Variants in KAZN observed in about 807,000 individuals in gnomAD.
KAZN encodes kazrin.
In KAZN, 40 loss-of-function variants were observed where a neutral mutation model predicts 87.4. That is an observed-to-expected ratio of 0.46 (90% CI 0.36 to 0.60). KAZN has a LOEUF of 0.60. Among genes scored for constraint, KAZN ranks in the 20% least tolerant of loss-of-function variants. KAZN has a pLI of 0.00. For synonymous variants in KAZN, 466 were observed against 458.3 expected (o/e 1.02, Z -0.22); for missense variants, 898 against 1,073.9 (o/e 0.84, Z 2.29).
intron 1 of KAZN, chr1:14,924,515 G>A: frequency 1.0e-6 from 1 of 1,004,764 alleles, no homozygotes; most frequent in Non-Finnish European, 1.2e-6. Context: ...GGGGCCCGGC[G>A]ATCGGCCCCG....
rs564336180 is a variant in KAZN at position 14,956,746 on chromosome 1, G to A, written c.227-3938G>A. 2.6e-5 allele frequency among the ~76,000 whole-genome samples: 4 copies of A among 152,320 alleles called. No homozygotes were observed. In the South Asian group the frequency reaches 8.3e-4, roughly 32 times the overall value. The stretch of plus-strand genomic sequence containing the variant: ...AAGCAGGGAAGAGGGGCCCTGGCAG[G>A]ATGGTAGATTGAAGAGTATTGATCG... On this transcript the variant is annotated intron_variant, in intron 1 of 14. Transcript: ENST00000376030.
intron 3 of KAZN, among the ~76,000 whole-genome samples, chr1:15,040,031 C>A (rs1047893025): frequency 2.0e-5 from 3 of 152,150 alleles, no homozygotes; most frequent in Non-Finnish European, 4.4e-5. Flanking sequence ...GCCTGTAGAT[C>A]GGTGGAATAG....
intron 1 of KAZN, among the ~76,000 whole-genome samples, chr1:14,845,575 A>C (rs1572633785): frequency 6.6e-6 from 1 of 150,720 alleles, no homozygotes; most frequent in African/African-American, 2.5e-5. Context: ...GGATGGATGG[A>C]TGGATGGATG....
At chr1:14,252,990 A>G (rs1364606047) in intron 2 of KAZN, among the ~76,000 whole-genome samples, 2 of 152,164 alleles carry the variant, frequency 1.3e-5, no homozygotes. Context: ...GAGGTTTCAC[A>G]GGCCAACCTG....
intron 1 of KAZN, among the ~76,000 whole-genome samples, chr1:13,912,023 T>G (rs1639670126): frequency 6.6e-6 from 1 of 152,208 alleles, no homozygotes; most frequent in Non-Finnish European, 1.5e-5. Flanking sequence ...CGGCTTTTTA[T>G]GTGAAGTGGA....
intron 1 of KAZN, among the ~76,000 whole-genome samples, chr1:14,878,524 C>T (rs1384978471): frequency 1.3e-5 from 2 of 152,168 alleles, no homozygotes; most frequent in South Asian, 2.1e-4. Flanking sequence ...GCCTCAGTTT[C>T]CCCATCTGTC....
At chr1:14,671,698 C>G (rs1639928002) in intron 1 of KAZN, among the ~76,000 whole-genome samples, 1 of 152,132 alleles carries the variant, frequency 6.6e-6, no homozygotes, top group African/African-American at 2.4e-5. Flanking sequence ...GCAAAGGAAT[C>G]TCTGTATATG....
chr1:14,983,472 G>A (rs1666465344), intron 2 of KAZN, among the ~76,000 whole-genome samples: 1 of 152,174 alleles, frequency 6.6e-6, no homozygotes, highest in Non-Finnish European at 1.5e-5. Context: ...CAGGAAAATA[G>A]CGCCCTCACC....
At chr1:14,299,994 G>A (rs1044214329) in intron 2 of KAZN, among the ~76,000 whole-genome samples, 2 of 152,106 alleles carry the variant, frequency 1.3e-5, no homozygotes, top group African/African-American at 4.8e-5. Context: ...TTTTGTGGGG[G>A]TAGGAGGGGG....
chr1:15,084,280 C>A (rs1392606273), intron 8 of KAZN, among the ~76,000 whole-genome samples: 1 of 152,178 alleles, frequency 6.6e-6, no homozygotes, highest in Non-Finnish European at 1.5e-5. Context: ...TGTGGCAGGG[C>A]AGATGGACAG....
At chr1:14,416,264 T>A (rs1664750603) in intron 2 of KAZN, among the ~76,000 whole-genome samples, 1 of 152,190 alleles carries the variant, frequency 6.6e-6, no homozygotes, top group Non-Finnish European at 1.5e-5. Flanking sequence ...TTATATGCAT[T>A]CACATTCTAG....
chr1:15,063,623 G>A lies in KAZN; in HGVS notation c.1098+1G>A, dbSNP rs1241302541. The A allele has an allele frequency of 3.7e-6, 6 of 1,613,410 alleles. No individual in the cohort carries two copies. The highest frequency in any genetic ancestry group is 5.1e-6 in the Non-Finnish European group (6 of 1,179,326). On this transcript the variant is annotated splice_donor_variant, in intron 7 of 14. Coordinates refer to ENST00000376030, the MANE Select transcript of KAZN (RefSeq NM_201628.3). LOFTEE classifies it high-confidence loss of function. ...GAACCTGCACAACCCTATTGTACAG[G>A]TAGGTGTGCCCTCCCTGGCCACTTG... is the stretch of plus-strand genomic sequence containing the variant.
chr1:15,078,360 G>A (rs998548479), intron 8 of KAZN, among the ~76,000 whole-genome samples: 4 of 151,990 alleles, frequency 2.6e-5, no homozygotes, highest in Admixed American at 2.0e-4. Context: ...AGCCGAGATC[G>A]TGCCACTGTA....
At chr1:14,784,412 A>C (rs2100659347) in intron 1 of KAZN, among the ~76,000 whole-genome samples, 1 of 152,304 alleles carries the variant, frequency 6.6e-6, no homozygotes, top group East Asian at 1.9e-4. Context: ...GGCTCTCTGC[A>C]GACCCTCCTC....
chr1:14,769,231 A>T lies in KAZN; in HGVS notation c.226+170008A>T, dbSNP rs1474531368. Among the ~76,000 whole-genome samples, 1 of 152,050 alleles carries T rather than the reference A, an allele frequency of 6.6e-6. No individual in the cohort carries two copies. Among genetic ancestry groups the T allele is most frequent in the Non-Finnish European group, 1.5e-5 (1 of 68,016 alleles). On this transcript the variant is annotated intron_variant, in intron 1 of 14. Transcript: ENST00000376030. This position sits in a 1 kb window ranked among gnomAD's most constrained non-coding sequence, Gnocchi z 4.1. The stretch of plus-strand genomic sequence containing the variant: ...AAGCTTGGCGTGCTAGTTTCCATGG[A>T]CTTTTGCTTGGGTTAGGATCATCAA...
chr1:14,596,305 T>TGC (rs776565398), upstream of KAZN, among the ~76,000 whole-genome samples: 810 of 70,392 alleles, frequency 0.012, 11 homozygotes, highest in African/African-American at 0.061. Context: ...CGCACACGTG[T>TGC]GCGCACACAC....
chr1:14,758,105 C>G lies in KAZN; in HGVS notation c.226+158882C>G, dbSNP rs543125954. Among the ~76,000 whole-genome samples, 133 of 127,710 alleles carry G rather than the reference C, an allele frequency of 1.0e-3. No homozygotes were observed. The South Asian group carries it at 0.016, about 15-fold the overall frequency. The allele number at this position is 127,710 out of a possible 152,430, so 83.8% of individuals were successfully genotyped here. A position where few individuals can be genotyped will look rare whatever the true frequency, so the allele number is the denominator to read the frequency against. ...TGTTTGTTTGTTTGTTTGTTTGTTT[C>G]TTTGTTTTGTTTTGTTTTTTCTCTC... On this transcript the variant is annotated intron_variant, in intron 1 of 14. Transcript: ENST00000376030.
At chr1:14,199,809 A>G (rs1394185349) in intron 2 of KAZN, among the ~76,000 whole-genome samples, 1 of 152,152 alleles carries the variant, frequency 6.6e-6, no homozygotes, top group Non-Finnish European at 1.5e-5. Context: ...CTGCTTCTGC[A>G]TCTCTGGCTT....
At chr1:14,849,013 T>C (rs1187554753) in intron 1 of KAZN, among the ~76,000 whole-genome samples, 1 of 152,066 alleles carries the variant, frequency 6.6e-6, no homozygotes, top group Non-Finnish European at 1.5e-5. Context: ...GGAATTGAGG[T>C]TGGGGGCCCC....
Sources: gnomAD v4.1 joint callset for allele counts (sites outside exome capture counted in the v4.1 genomes callset) on GRCh38, gnomAD v4.1.1 for gene constraint, Gnocchi (gnomAD v3.1) non-coding constraint, MANE v1.5 for transcripts, NCBI Gene and HGNC (gene_info 2026-07-23, HGNC 2026-07-21) for gene names.